The following BLTP1 variants were observed in gnomAD, a reference collection of about 807,000 sequenced individuals.
The protein encoded by BLTP1 is bridge-like lipid transfer protein family member 1.
the BLTP1 span, among the ~76,000 whole-genome samples, chr4:122,290,565 ATCATTAGG>A: frequency 6.6e-6 from 1 of 151,804 alleles, no homozygotes; most frequent in Non-Finnish European, 1.5e-5. Flanking sequence ...AGGCGGGTGG[ATCATTAGG>A]TCAGGAGGTC....
At chr4:122,248,214 A>T in the BLTP1 span, 1 of 721,434 alleles carries the variant, frequency 1.4e-6, no homozygotes, top group East Asian at 1.3e-4. Context: ...TAGTCCTAAA[A>T]CTGGTGAAAA....
chr4:122,225,291 C>T, the BLTP1 span: 1 of 153,232 alleles, frequency 6.5e-6, no homozygotes, highest in Non-Finnish European at 1.4e-5. Flanking sequence ...CCCACCACCC[C>T]TTTCACTTAA....
chr4:122,255,597 G>A, the BLTP1 span, among the ~76,000 whole-genome samples: 1 of 152,112 alleles, frequency 6.6e-6, no homozygotes, highest in Admixed American at 6.5e-5. Context: ...AGCAAACCAA[G>A]ATCGCACCAT....
At chr4:122,270,265 C>G in the BLTP1 span, 1 of 582,432 alleles carries the variant, frequency 1.7e-6, no homozygotes, top group Non-Finnish European at 2.2e-6. Flanking sequence ...ATCAAAGCAG[C>G]TTCTGATTTT....
the BLTP1 span, chr4:122,226,648 C>T: frequency 2.6e-4 from 409 of 1,602,734 alleles, 4 homozygotes; most frequent in South Asian, 4.2e-3. Flanking sequence ...AGCTTTTGAA[C>T]TCTAAACCCT....
the BLTP1 span, chr4:122,239,892 A>T: frequency 1.2e-6 from 2 of 1,614,030 alleles, no homozygotes; most frequent in East Asian, 2.2e-5. Context: ...ATTTGAGCCC[A>T]TTAGCAGTGA....
At chr4:122,333,772 A>G in the BLTP1 span, 1 of 1,611,278 alleles carries the variant, frequency 6.2e-7, no homozygotes, top group Non-Finnish European at 8.5e-7. Flanking sequence ...AGTGACTTAG[A>G]AACAACAGTA....
chr4:122,249,736 T>C, the BLTP1 span: 1 of 1,596,106 alleles, frequency 6.3e-7, no homozygotes, highest in Non-Finnish European at 8.6e-7. Flanking sequence ...TGTCCTATAT[T>C]GCAGAAATGT....
the BLTP1 span, chr4:122,324,375 A>C: frequency 6.5e-7 from 1 of 1,547,908 alleles, no homozygotes; most frequent in Non-Finnish European, 8.8e-7. Flanking sequence ...TTGAAGTCAA[A>C]TACAGTAAAT....
chr4:122,200,224 C>G, the BLTP1 span: 5 of 984,000 alleles, frequency 5.1e-6, no homozygotes, highest in Non-Finnish European at 4.8e-6. Flanking sequence ...TCATCTATTG[C>G]TGATAAATAG....
chr4:122,324,539 A>G, the BLTP1 span: 1 of 1,591,828 alleles, frequency 6.3e-7, no homozygotes, highest in East Asian at 2.3e-5. Flanking sequence ...AGGGCAAGGT[A>G]ATATATATTT....
chr4:122,167,956 G>C, the BLTP1 span: 1 of 924,616 alleles, frequency 1.1e-6, no homozygotes, highest in Non-Finnish European at 1.3e-6. Context: ...TCACTATTAA[G>C]GAATTGGTGA....
chr4:122,334,121 ATAGAC>A, the BLTP1 span: 2 of 180,680 alleles, frequency 1.1e-5, no homozygotes, highest in African/African-American at 2.4e-5. Flanking sequence ...TTATAGAATC[ATAGAC>A]TATTCAGTTC....
the BLTP1 span, chr4:122,289,285 C>T: frequency 2.1e-6 from 2 of 935,740 alleles, no homozygotes; most frequent in South Asian, 2.2e-5. Flanking sequence ...AGTATTGATC[C>T]AGCATTTGGA....
the BLTP1 span, among the ~76,000 whole-genome samples, chr4:122,359,044 T>A: frequency 6.6e-6 from 1 of 150,994 alleles, no homozygotes; most frequent in East Asian, 1.9e-4. Flanking sequence ...AATTAATGAA[T>A]GGTATGGTGT....
chr4:122,356,627 G>A, the BLTP1 span: 1 of 1,611,690 alleles, frequency 6.2e-7, no homozygotes, highest in Non-Finnish European at 8.5e-7. Context: ...GCAGATGCCA[G>A]CCTGAAGCCA....
At chr4:122,243,964 T>G in the BLTP1 span, 1 of 1,611,616 alleles carries the variant, frequency 6.2e-7, no homozygotes, top group African/African-American at 1.3e-5. Context: ...ACAACAGCCA[T>G]AGTTGAAGTA....
the BLTP1 span, among the ~76,000 whole-genome samples, chr4:122,162,292 T>C: frequency 2.0e-5 from 3 of 152,316 alleles, no homozygotes; most frequent in South Asian, 6.2e-4. Context: ...CTCTTCACAG[T>C]TAGGTCTTCT....
chr4:122,324,298 A>G, the BLTP1 span: 1 of 910,608 alleles, frequency 1.1e-6, no homozygotes, highest in Non-Finnish European at 1.5e-6. Flanking sequence ...TTTGACTCAT[A>G]TTGTTAAGTA....
Sources: allele counts gnomAD v4.1 joint callset (sites outside exome capture counted in the v4.1 genomes callset), GRCh38; gene constraint gnomAD v4.1.1; transcripts MANE v1.5; gene names NCBI Gene and HGNC (gene_info 2026-07-23, HGNC 2026-07-21).